The following STK3 variants were observed in gnomAD, a reference collection of about 807,000 sequenced individuals.
STK3 encodes serine/threonine-protein kinase 3.
A neutral mutation model predicts 58.0 loss-of-function variants in STK3; 41 were observed. That is an observed-to-expected ratio of 0.71 (90% CI 0.55 to 0.92). The LOEUF (loss-of-function observed/expected upper bound fraction) is 0.92, where lower values mean the gene tolerates loss of function less well. Among genes scored for constraint, STK3 ranks in the 40% least tolerant of loss-of-function variants. The pLI, the probability that STK3 is intolerant of heterozygous loss-of-function variation, is 0.00. For synonymous variants in STK3, 170 were observed against 191.0 expected, an observed-to-expected ratio of 0.89 and a Z score of 0.91; for missense variants, 479 against 602.7, an observed-to-expected ratio of 0.79 and a Z score of 2.15.
intron 1 of STK3, among the ~76,000 whole-genome samples, chr8:98,789,571 A>G (rs930740919): frequency 1.3e-5 from 2 of 152,196 alleles, no homozygotes; most frequent in Non-Finnish European, 2.9e-5. Context: ...GAAAAGGGAG[A>G]TATTACAACT....
intron 1 of STK3, among the ~76,000 whole-genome samples, chr8:98,917,127 C>A (rs35082816): frequency 6.6e-6 from 1 of 152,068 alleles, no homozygotes; most frequent in Non-Finnish European, 1.5e-5. Flanking sequence ...AGAAAACAGA[C>A]GGAAACCAGT....
intron 10 of STK3, among the ~76,000 whole-genome samples, chr8:98,496,788 T>C (rs1198223147): frequency 6.6e-6 from 1 of 151,960 alleles, no homozygotes; most frequent in Non-Finnish European, 1.5e-5. Context: ...AAACAGAAAG[T>C]ATAATGGTGG....
intron 1 of STK3, among the ~76,000 whole-genome samples, chr8:98,806,734 G>C (rs1367314384): frequency 6.6e-6 from 1 of 151,942 alleles, no homozygotes; most frequent in East Asian, 1.9e-4. Context: ...TCTCTACCTT[G>C]AGTCTTAAGA....
chr8:98,895,032 T>C (rs1193728363), intron 1 of STK3, among the ~76,000 whole-genome samples: 1 of 152,152 alleles, frequency 6.6e-6, no homozygotes, highest in Non-Finnish European at 1.5e-5. Context: ...GGGATAAATA[T>C]AAATAATAGA....
At chr8:98,402,173 T>A (rs1817949715) in intron 3 of STK3, among the ~76,000 whole-genome samples, 2 of 152,176 alleles carry the variant, frequency 1.3e-5, no homozygotes, top group Admixed American at 6.5e-5. Flanking sequence ...AGCATCCTCA[T>A]CACATCATTA....
chr8:98,421,968 G>A (rs1304230861), intron 3 of STK3, among the ~76,000 whole-genome samples: 1 of 152,096 alleles, frequency 6.6e-6, no homozygotes, highest in African/African-American at 2.4e-5. Flanking sequence ...TGTGGGCCCT[G>A]TGCAGGCCAG....
chr8:98,382,112 G>A (rs1040304021), intron 1 of STK3, among the ~76,000 whole-genome samples: 3 of 152,166 alleles, frequency 2.0e-5, no homozygotes, highest in Non-Finnish European at 4.4e-5. Context: ...GTGGTGGGCT[G>A]GGGAGCTGAG....
intron 7 of STK3, among the ~76,000 whole-genome samples, chr8:98,591,530 C>T (rs1376079173): frequency 1.3e-5 from 2 of 152,204 alleles, no homozygotes; most frequent in Non-Finnish European, 2.9e-5. Context: ...TCTCTTCTGA[C>T]TCAAGAATAC....
intron 6 of STK3, chr8:98,633,476 G>C (rs1819404727): frequency 1.7e-6 from 1 of 602,290 alleles, no homozygotes; most frequent in East Asian, 3.0e-5. Context: ...TGATCCAGAA[G>C]AAGGTAGAAC....
At chr8:98,746,414 T>C (rs1316044800) in intron 4 of STK3, among the ~76,000 whole-genome samples, 3 of 152,186 alleles carry the variant, frequency 2.0e-5, no homozygotes, top group Non-Finnish European at 2.9e-5. Flanking sequence ...TTCTAGGATA[T>C]GAGCCTAGGC....
intron 1 of STK3, among the ~76,000 whole-genome samples, chr8:98,897,866 A>G (rs763120888): frequency 1.3e-5 from 2 of 152,202 alleles, no homozygotes; most frequent in Non-Finnish European, 2.9e-5. Flanking sequence ...TGTGTCTTCT[A>G]AAGCATACTG....
Position 98,802,127 on chromosome 8 carries a change from G to A in STK3, c.26+23388C>T, listed in dbSNP as rs1296035123. Reference sequence around the variant, plus strand: ...TATGAGGTTATAGTGAGCTATGACTGTGCCACTGCACTCCAGCCTGGACTA... The same window carrying A: ...TATGAGGTTATAGTGAGCTATGACTATGCCACTGCACTCCAGCCTGGACTA... On this transcript the variant is annotated intron_variant, in intron 1 of 10. Coordinates refer to ENST00000419617, the MANE Select transcript of STK3 (RefSeq NM_006281.4). 2.6e-5 allele frequency among the ~76,000 whole-genome samples: 4 copies of A among 152,112 alleles called. No individual in the cohort carries two copies. The East Asian group carries it at 7.7e-4, about 29-fold the overall frequency.
At chr8:98,583,244 T>C (rs1365847968) in intron 7 of STK3, among the ~76,000 whole-genome samples, 2 of 152,184 alleles carry the variant, frequency 1.3e-5, no homozygotes, top group South Asian at 2.1e-4. Flanking sequence ...ACTTAAATCA[T>C]ATTCCTCAAA....
Position 98,721,121 on chromosome 8 carries a change from G to T in STK3, c.352-13810C>A, listed in dbSNP as rs186929736. ...CCTTTCACCCTGAGTACATTAATGG[G>T]TGGCTTTATGAGCATTTTATTGAAA... On this transcript the variant is annotated intron_variant, in intron 4 of 10. Transcript: ENST00000419617. 5.1e-6 allele frequency: 5 copies of T among 985,264 alleles called. No individual in the cohort carries two copies. In the East Asian group the frequency reaches 5.7e-4, roughly 112 times the overall value. 61.0% of individuals were successfully genotyped at this position (985,264 alleles called of 1,614,324 possible). A position where few individuals can be genotyped will look rare whatever the true frequency, so the allele number is the denominator to read the frequency against.
intron 10 of STK3, among the ~76,000 whole-genome samples, chr8:98,488,452 C>G (rs915769559): frequency 2.0e-5 from 3 of 152,196 alleles, no homozygotes; most frequent in Middle Eastern, 3.4e-3. Context: ...AAAACTGTTT[C>G]CTAGTTACTA....
intron 4 of STK3, among the ~76,000 whole-genome samples, 187 bp from the exon 5 acceptor site, chr8:98,707,498 G>A (rs1826050731): frequency 6.6e-6 from 1 of 151,974 alleles, no homozygotes; most frequent in African/African-American, 2.4e-5. Flanking sequence ...AAATTCCTGG[G>A]CTCAAGGCAT....
intron 6 of STK3, among the ~76,000 whole-genome samples, chr8:98,663,881 C>T (rs924432418): frequency 3.9e-5 from 6 of 152,126 alleles, no homozygotes; most frequent in Admixed American, 3.9e-4. Flanking sequence ...AATACTTTCT[C>T]CTTTACAACA....
intron 9 of STK3, among the ~76,000 whole-genome samples, chr8:98,529,912 T>G (rs1232268344): frequency 1.3e-5 from 2 of 152,068 alleles, no homozygotes; most frequent in African/African-American, 4.8e-5. Flanking sequence ...GTACAGCAGT[T>G]GAGTTTTACA....
chr8:98,885,118 A>T (rs767874652), intron 1 of STK3, among the ~76,000 whole-genome samples: 2 of 152,346 alleles, frequency 1.3e-5, no homozygotes, highest in Non-Finnish European at 2.9e-5. Context: ...ATTATTATGG[A>T]GAATGGCCTT....
Sources: gnomAD v4.1 joint callset for allele counts (sites outside exome capture counted in the v4.1 genomes callset) on GRCh38, gnomAD v4.1.1 for gene constraint, MANE v1.5 for transcripts, NCBI Gene and HGNC (gene_info 2026-07-23, HGNC 2026-07-21) for gene names.